TYW5: variants seen among roughly 807,000 people sequenced by gnomAD.
The protein encoded by TYW5 is tRNA-yW synthesizing protein 5, also known as tRNA wybutosine-synthesizing protein 5.
In TYW5, 36 loss-of-function variants were observed where a neutral mutation model predicts 44.4. That is an observed-to-expected ratio of 0.81 (90% CI 0.62 to 1.07). TYW5 has a LOEUF of 1.07. Among genes scored for constraint, TYW5 ranks in the 50% least tolerant of loss-of-function variants. The pLI, the probability that TYW5 is intolerant of heterozygous loss-of-function variation, is 0.00. For synonymous variants in TYW5, 121 were observed against 128.1 expected, an observed-to-expected ratio of 0.94 and a Z score of 0.37; for missense variants, 354 against 365.7, an observed-to-expected ratio of 0.97 and a Z score of 0.26.
Position 199,955,487 on chromosome 2 carries a change from C to T in TYW5, c.-17G>A, listed in dbSNP as rs1341943040. ...CCCGGCCATGGTTGCTCACGCCTGC[C>T]CTCTTCCAGGTCTTCGGAACTTCGG... On this transcript the variant is annotated 5_prime_UTR_variant, in exon 1 of 8. Coordinates refer to ENST00000354611, the MANE Select transcript of TYW5 (RefSeq NM_001039693.3). 3 of 1,612,868 alleles carry T rather than the reference C, an allele frequency of 1.9e-6. No individual in the cohort carries two copies. The South Asian group carries it at 3.3e-5, about 18-fold the overall frequency.
chr2:199,931,282 T>C lies in TYW5; in HGVS notation c.*1785A>G, dbSNP rs2105684772. 1 of 152,290 alleles carries C rather than the reference T, an allele frequency of 6.6e-6. No homozygotes were observed. The highest frequency in any genetic ancestry group is 1.9e-4 in the East Asian group (1 of 5,178). 9.4% of individuals were successfully genotyped at this position (152,290 alleles called of 1,614,324 possible). A position where few individuals can be genotyped will look rare whatever the true frequency, so the allele number is the denominator to read the frequency against. ...CTTCATAGATAAATGTTATTTTGTC[T>C]AAGGTCATCCAGTTTGCTTCTCCAT... On this transcript the variant is annotated 3_prime_UTR_variant, in exon 8 of 8. Transcript: ENST00000354611.
chr2:199,933,146 G>C lies in TYW5; in HGVS notation c.869C>G (p.Pro290Arg), dbSNP rs778957540. The C allele has an allele frequency of 4.1e-5, 66 of 1,613,952 alleles. No individual in the cohort carries two copies. The highest frequency in any genetic ancestry group is 5.3e-5 in the Non-Finnish European group (62 of 1,180,004). Residue 290 changes from proline to arginine, a missense_variant, in exon 8 of 8, where the codon CCA (proline) becomes CGA (arginine). Transcript: ENST00000354611. ...DRALKTLAEL[P>R]EEYRDFYARR... ...TGCATAGAAGTCCCTATATTCCTCT[G>C]GTAACTCGGCCAGTGTTTTCAAGGC...
At chr2:199,948,172 T>C in intron 2 of TYW5, 146 bp downstream of exon 2, 2 of 735,888 alleles carry the variant, frequency 2.7e-6, no homozygotes, top group South Asian at 4.0e-5. Flanking sequence ...AAAACCACTC[T>C]TTAAAAATCA....
At position 199,938,965 on chromosome 2, in the gene TYW5, A is replaced by C; in HGVS notation, c.454T>G (p.Ser152Ala). 6.2e-7 allele frequency: 1 copy of C among 1,613,234 alleles called. No individual in the cohort carries two copies. The highest frequency in any genetic ancestry group is 8.5e-7 in the Non-Finnish European group (1 of 1,179,722). The part of the protein sequence containing the change: ...QFFSSVFRIS[S>A]PGLQLWTHYD... Reference sequence around the variant, plus strand: ...TGAGTCCATAGTTGTAATCCTGGTGAACTAATTCGAAAAACACTGGAAAAG... The same window carrying C: ...TGAGTCCATAGTTGTAATCCTGGTGCACTAATTCGAAAAACACTGGAAAAG... The change falls in exon 5 of 8, where the codon TCA becomes GCA. Residue 152 changes from serine to alanine, a missense_variant. By Grantham distance (99) the Ser-to-Ala change is moderately conservative. Transcript: ENST00000354611.
At chr2:199,940,163 G>C in intron 3 of TYW5, 30 bp from the exon 4 acceptor site, 3 of 1,603,508 alleles carry the variant, frequency 1.9e-6, no homozygotes, top group Non-Finnish European at 2.6e-6. Context: ...AATAACATCA[G>C]CAATATTTTA....
At chr2:199,952,688 C>T (rs1226747482) in intron 1 of TYW5, among the ~76,000 whole-genome samples, 2 of 152,188 alleles carry the variant, frequency 1.3e-5, no homozygotes, top group Non-Finnish European at 2.9e-5. Flanking sequence ...TCTAATATTA[C>T]ACCTGAATTT....
intron 5 of TYW5, among the ~76,000 whole-genome samples, chr2:199,938,685 T>C (rs1574797528): frequency 6.6e-6 from 1 of 152,194 alleles, no homozygotes; most frequent in East Asian, 1.9e-4. Flanking sequence ...AAACTTGGTA[T>C]ATATATGATG....
chr2:199,935,849 TAAA>T, intron 7 of TYW5, 79 bp downstream of exon 7: 1 of 742,696 alleles, frequency 1.3e-6, no homozygotes, highest in Non-Finnish European at 2.2e-6. Flanking sequence ...ATATTTGTAC[TAAA>T]AAAAAAAAAT....
At chr2:199,945,019 A>G (rs975952357) in intron 2 of TYW5, 3 of 152,236 alleles carry the variant, frequency 2.0e-5, no homozygotes, top group African/African-American at 7.2e-5. Flanking sequence ...CAGGTGGCCT[A>G]TAAGTGGACT....
intron 6 of TYW5, 88 bp downstream of exon 6, chr2:199,936,317 G>A (rs2077420238): frequency 1.8e-6 from 2 of 1,125,126 alleles, no homozygotes; most frequent in East Asian, 4.7e-5. Context: ...AAGTACTGAA[G>A]TGTTCTTTTC....
intron 1 of TYW5, among the ~76,000 whole-genome samples, chr2:199,948,886 C>T (rs1434757750): frequency 6.6e-6 from 1 of 152,140 alleles, no homozygotes; most frequent in African/African-American, 2.4e-5. Flanking sequence ...TTCTTACTTT[C>T]AAGAGAAGGA....
In TYW5 at chr2:199,932,663, G is replaced by C. The variant is rs1250537944; in HGVS notation, c.*404C>G. Reference sequence around the variant, plus strand: ...CTACTGGCAATCATCCCATGACCACGAGGGTAGCCAGCCTTAGGATGATGC... The same window carrying C: ...CTACTGGCAATCATCCCATGACCACCAGGGTAGCCAGCCTTAGGATGATGC... On this transcript the variant is annotated 3_prime_UTR_variant, in exon 8 of 8. Transcript: ENST00000354611. The C allele has an allele frequency of 5.8e-6, 1 of 171,138 alleles. No homozygotes were observed. The highest frequency in any genetic ancestry group is 2.4e-5 in the African/African-American group (1 of 41,670). The allele number at this position is 171,138 out of a possible 1,614,324, so 10.6% of individuals were successfully genotyped here. A position where few individuals can be genotyped will look rare whatever the true frequency, so the allele number is the denominator to read the frequency against.
intron 5 of TYW5, 74 bp downstream of exon 5, chr2:199,938,859 T>G: frequency 6.9e-7 from 1 of 1,456,830 alleles, no homozygotes; most frequent in Non-Finnish European, 9.2e-7. Context: ...CTATAGGAAG[T>G]TGAAACTGTG....
rs2077365816 is a variant in TYW5 at position 199,930,275 on chromosome 2, C to T, written c.*2792G>A. 6.6e-6 allele frequency: 1 copy of T among 152,040 alleles called. No homozygotes were observed. Among genetic ancestry groups the T allele is most frequent in the Non-Finnish European group, 1.5e-5 (1 of 68,016 alleles). 9.4% of individuals were successfully genotyped at this position (152,040 alleles called of 1,614,324 possible). On this transcript the variant is annotated 3_prime_UTR_variant, in exon 8 of 8. Transcript: ENST00000354611. ...ATGTATTTTGAAAGGATAATGTGAA[C>T]AAAAGTCCAAATAATACAAAACTAG... is the stretch of plus-strand genomic sequence containing the variant.
intron 2 of TYW5, chr2:199,945,833 T>C (rs1259725885): frequency 6.6e-6 from 1 of 152,214 alleles, no homozygotes; most frequent in Non-Finnish European, 1.5e-5. Context: ...TCCTAGGTAA[T>C]GGTACCTGTC....
At position 199,939,046 on chromosome 2, in the gene TYW5, A is replaced by G; in HGVS notation, c.373T>C (p.Phe125Leu). 1 of 1,611,014 alleles carries G rather than the reference A, an allele frequency of 6.2e-7. No individual in the cohort carries two copies. Among genetic ancestry groups the G allele is most frequent in the Non-Finnish European group, 8.5e-7 (1 of 1,179,156 alleles). Residue 125 changes from phenylalanine (F) to leucine (L), a missense_variant, in exon 5 of 8, where the codon TTT becomes CTT. Coordinates refer to ENST00000354611, the MANE Select transcript of TYW5 (RefSeq NM_001039693.3). The stretch of plus-strand genomic sequence containing the variant: ...TTAATATCTCCTTTCAACAAAGGAA[A>G]CTGCTTTCTGATATCTGCAACATCC... Reference protein sequence around the residue: ...RKDVADIRKQFPLLKGDIKFP... With the variant: ...RKDVADIRKQLPLLKGDIKFP...
Position 199,936,452 on chromosome 2 carries a change from C to G in TYW5, c.527G>C (p.Arg176Pro). 1.2e-6 allele frequency: 2 copies of G among 1,613,274 alleles called. No individual in the cohort carries two copies. Among genetic ancestry groups the G allele is most frequent in the East Asian group, 2.2e-5 (1 of 44,776 alleles). Residue 176 changes from arginine (R) to proline (P), a missense_variant, in exon 6 of 8, where the codon CGT (arginine) becomes CCT (proline). Physicochemically the swap from Arg to Pro is moderately radical, Grantham distance 103. Coordinates refer to ENST00000354611, the MANE Select transcript of TYW5 (RefSeq NM_001039693.3). ...ATCTCGAGGACTGAAGAGTACAACA[C>G]GCTTTTTTCCTGTCACTTGTATTAA... ...NLLIQVTGKK[R>P]VVLFSPRDAQ...
chr2:199,942,220 C>G (rs1255017924), intron 3 of TYW5: 1 of 152,552 alleles, frequency 6.6e-6, no homozygotes, highest in African/African-American at 2.4e-5. Context: ...GCGTATGCCA[C>G]CATGCCTGGC....
chr2:199,936,637 A>G (rs2077423424), intron 5 of TYW5, 145 bp from the exon 6 acceptor site: 1 of 626,650 alleles, frequency 1.6e-6, no homozygotes, highest in East Asian at 2.7e-5. Context: ...AACAATAAAA[A>G]CATTTGTATT....
Sources: gnomAD v4.1 joint callset for allele counts (sites outside exome capture counted in the v4.1 genomes callset) on GRCh38, gnomAD v4.1.1 for gene constraint, MANE v1.5 for transcripts, NCBI Gene and HGNC (gene_info 2026-07-23, HGNC 2026-07-21) for gene names.